GABRB1: variants seen among roughly 807,000 people sequenced by gnomAD.
GABRB1 encodes the protein gamma-aminobutyric acid type A receptor subunit beta1.
Under a neutral mutation model 51.6 loss-of-function variants are expected in GABRB1, and 17 were observed. The ratio of observed to expected loss-of-function variants is 0.33; its 90% CI spans 0.23 to 0.49. The LOEUF is 0.49. Ranked by LOEUF, GABRB1 falls within the 20% of genes least tolerant of loss-of-function variation. GABRB1 has a pLI of 0.99. For missense variants in GABRB1, 410 were observed against 600.6 expected (o/e 0.68, Z 3.32); for synonymous variants, 247 against 218.9 (o/e 1.13, Z -1.14).
intron 1 of GABRB1, among the ~76,000 whole-genome samples, chr4:46,997,583 T>A (rs1485542448): frequency 2.0e-5 from 3 of 152,050 alleles, no homozygotes; most frequent in Non-Finnish European, 4.4e-5. Context: ...CACAAATAAG[T>A]GAGATCATTT....
At chr4:47,116,574 T>C (rs1338547821) in intron 3 of GABRB1, among the ~76,000 whole-genome samples, 2 of 152,200 alleles carry the variant, frequency 1.3e-5, no homozygotes, top group South Asian at 2.1e-4. Flanking sequence ...AGTGGTAAAT[T>C]AGTTTGGCTG....
chr4:47,337,170 G>A (rs1288453416), intron 5 of GABRB1, among the ~76,000 whole-genome samples: 1 of 152,108 alleles, frequency 6.6e-6, no homozygotes, highest in African/African-American at 2.4e-5. Flanking sequence ...TTGAACCTGG[G>A]AGGCAGAGGT....
chr4:46,998,936 G>A (rs776628319), intron 1 of GABRB1, among the ~76,000 whole-genome samples: 4 of 152,060 alleles, frequency 2.6e-5, no homozygotes, highest in Non-Finnish European at 4.4e-5. Context: ...GATTGTGTGT[G>A]TGAGATGGTG....
intron 3 of GABRB1, among the ~76,000 whole-genome samples, chr4:47,052,079 G>A (rs1253112619): frequency 1.3e-5 from 2 of 152,100 alleles, no homozygotes; most frequent in African/African-American, 2.4e-5. Flanking sequence ...GCAGTGAGCC[G>A]AGATTGTGCC....
chr4:47,102,458 A>G (rs1714765145), intron 3 of GABRB1, among the ~76,000 whole-genome samples: 1 of 152,016 alleles, frequency 6.6e-6, no homozygotes, highest in African/African-American at 2.4e-5. Flanking sequence ...GTGAGTATAT[A>G]TGAAAGGGAA....
chr4:47,161,817 A>G (rs1717968695), intron 4 of GABRB1, among the ~76,000 whole-genome samples: 1 of 152,036 alleles, frequency 6.6e-6, no homozygotes, highest in South Asian at 2.1e-4. Context: ...ATATGCCTCA[A>G]ATTTTCCTGT....
chr4:47,295,933 A>G (rs1403235955), intron 4 of GABRB1, among the ~76,000 whole-genome samples: 1 of 152,198 alleles, frequency 6.6e-6, no homozygotes, highest in Non-Finnish European at 1.5e-5. Flanking sequence ...TACAAGCCAG[A>G]AGAGAGTGGG....
chr4:47,307,736 T>C (rs1724520860), intron 4 of GABRB1, among the ~76,000 whole-genome samples: 1 of 151,998 alleles, frequency 6.6e-6, no homozygotes, highest in Non-Finnish European at 1.5e-5. Context: ...ATTATTGATA[T>C]ATTCTTTTAG....
At chr4:47,196,162 T>C (rs1292888290) in intron 4 of GABRB1, among the ~76,000 whole-genome samples, 1 of 152,224 alleles carries the variant, frequency 6.6e-6, no homozygotes, top group Admixed American at 6.5e-5. Flanking sequence ...ATAAGTGAGA[T>C]GGTGAATCCT....
chr4:47,038,886 T>G (rs1409738097), intron 3 of GABRB1, among the ~76,000 whole-genome samples: 1 of 152,190 alleles, frequency 6.6e-6, no homozygotes, highest in Non-Finnish European at 1.5e-5. Flanking sequence ...AATTAGTAGA[T>G]GTTTATAGTT....
chr4:47,165,049 A>C (rs1363167778), intron 4 of GABRB1, among the ~76,000 whole-genome samples: 1 of 152,034 alleles, frequency 6.6e-6, no homozygotes, highest in Admixed American at 6.6e-5. Context: ...GTGTTAGGAG[A>C]CCAGAACTTT....
intron 3 of GABRB1, among the ~76,000 whole-genome samples, chr4:47,143,280 T>C (rs1439099316): frequency 1.3e-5 from 2 of 151,900 alleles, no homozygotes; most frequent in Non-Finnish European, 2.9e-5. Flanking sequence ...GAGAGAGCAA[T>C]GTCCTGCCAG....
At chr4:47,019,908 A>ATATGTATATG (rs1724877568) in intron 1 of GABRB1, among the ~76,000 whole-genome samples, 1 of 148,204 alleles carries the variant, frequency 6.7e-6, no homozygotes, top group Non-Finnish European at 1.5e-5. Context: ...ATGTATATGT[A>ATATGTATATG]TATGTATATG....
chr4:47,019,618 T>TC (rs1560498053), intron 1 of GABRB1, among the ~76,000 whole-genome samples: 15 of 90,750 alleles, frequency 1.7e-4, no homozygotes, highest in Non-Finnish European at 3.0e-4. Context: ...TCTTTCTTTC[T>TC]TTCTCTCTCT....
rs1053571159 is a variant in GABRB1 at position 47,358,189 on chromosome 4, G to A, written c.544+37980G>A. Among the ~76,000 whole-genome samples the A allele has an allele frequency of 2.0e-5, 3 of 152,050 alleles. No individual in the cohort carries two copies. The East Asian group carries it at 5.8e-4, about 29-fold the overall frequency. ...TAGCCAGTAAACTAGAATATATAAT[G>A]TATTGGTAGCTTGCATTCACGTTTT... On this transcript the variant is annotated intron_variant, in intron 5 of 8. Transcript: ENST00000295454.
chr4:47,347,079 C>T (rs943361080), intron 5 of GABRB1, among the ~76,000 whole-genome samples: 4 of 152,038 alleles, frequency 2.6e-5, no homozygotes, highest in Admixed American at 6.6e-5. Flanking sequence ...GTCAGGAGTT[C>T]GTGACCAGCC....
chr4:47,007,875 TATATATATATATATATATAA>T (rs111554801), intron 1 of GABRB1, among the ~76,000 whole-genome samples: 86,976 of 138,634 alleles, frequency 0.63, 28,356 homozygotes, highest in South Asian at 0.67. Context: ...GGTATATATA[TATATATATATATATATATAA>T]AATCAAGTTT....
At chr4:47,080,152 C>T (rs778296331) in intron 3 of GABRB1, among the ~76,000 whole-genome samples, 1 of 152,002 alleles carries the variant, frequency 6.6e-6, no homozygotes, top group Non-Finnish European at 1.5e-5. Flanking sequence ...TCCAGAAATC[C>T]TCATACCATC....
intron 3 of GABRB1, 177 bp downstream of exon 3, chr4:47,032,661 C>T: frequency 1.4e-6 from 1 of 723,564 alleles, no homozygotes; most frequent in Non-Finnish European, 2.6e-6. Flanking sequence ...GTAATTTCGA[C>T]ACACACGGGC....
Sources: allele counts gnomAD v4.1 joint callset (sites outside exome capture counted in the v4.1 genomes callset), GRCh38; gene constraint gnomAD v4.1.1; transcripts MANE v1.5; gene names NCBI Gene and HGNC (gene_info 2026-07-23, HGNC 2026-07-21).